The following LY86 variants were observed in gnomAD, a reference collection of about 807,000 sequenced individuals.
The protein encoded by LY86 is lymphocyte antigen 86.
LY86 carries 20 observed loss-of-function variants against 17.3 expected under a neutral mutation model. That is an observed-to-expected ratio of 1.15 (90% CI 0.81 to 1.68). LY86 has a LOEUF of 1.68. Ranked by LOEUF, LY86 falls within the 40% of genes most tolerant of loss-of-function variation. The pLI is 0.00. For synonymous variants in LY86, 74 were observed against 70.6 expected (o/e 1.05, Z -0.24); for missense variants, 200 against 191.9 (o/e 1.04, Z -0.25).
chr6:6,605,209 T>C (rs1289699972), intron 1 of LY86, among the ~76,000 whole-genome samples: 1 of 152,158 alleles, frequency 6.6e-6, no homozygotes, highest in South Asian at 2.1e-4. Flanking sequence ...TGTGTTAGAT[T>C]TCTATTTCTG....
intron 1 of LY86, chr6:6,591,479 T>A (rs563923533): frequency 3.2e-5 from 5 of 153,890 alleles, no homozygotes; most frequent in African/African-American, 7.2e-5. Flanking sequence ...GGTATCTGGA[T>A]CTGTTGGAAA....
chr6:6,597,970 C>G lies in LY86; in HGVS notation c.136+9100C>G, dbSNP rs577790676. Among the ~76,000 whole-genome samples, 4 of 152,366 alleles carry G rather than the reference C, an allele frequency of 2.6e-5. No individual in the cohort carries two copies. In the East Asian group the frequency reaches 7.7e-4, roughly 29 times the overall value. ...AGTGATAAATCTAGAACAGAATTAT[C>G]AGGATTCCTTTTGCTTCCTAACCAT... On this transcript the variant is annotated intron_variant, in intron 1 of 4. Coordinates refer to ENST00000230568, the MANE Select transcript of LY86 (RefSeq NM_004271.4).
chr6:6,605,257 T>C (rs1344562823), intron 1 of LY86, among the ~76,000 whole-genome samples: 3 of 149,414 alleles, frequency 2.0e-5, no homozygotes, highest in East Asian at 2.0e-4. Context: ...TTAAAAACAA[T>C]AAGCATTATC....
intron 1 of LY86, among the ~76,000 whole-genome samples, chr6:6,612,024 T>C (rs2326809): frequency 0.56 from 80,234 of 144,468 alleles, 21,655 homozygotes; most frequent in East Asian, 0.79. Flanking sequence ...ATCTTTGTGG[T>C]CTCTTGTATT....
At chr6:6,593,518 G>A (rs1321594481) in intron 1 of LY86, among the ~76,000 whole-genome samples, 2 of 152,226 alleles carry the variant, frequency 1.3e-5, no homozygotes, top group Admixed American at 6.5e-5. Flanking sequence ...TACGCAAAGG[G>A]CTGTGTGAAG....
chr6:6,642,867 C>T (rs1211217125), intron 3 of LY86, among the ~76,000 whole-genome samples: 1 of 152,224 alleles, frequency 6.6e-6, no homozygotes, highest in Non-Finnish European at 1.5e-5. Flanking sequence ...CTCCCTCCCT[C>T]CTCCTCCTCC....
At chr6:6,624,811 T>A in intron 1 of LY86, 115 bp from the exon 2 acceptor site, 1 of 614,356 alleles carries the variant, frequency 1.6e-6, no homozygotes. Flanking sequence ...TGTTGGGCAA[T>A]ATGCTTTTGA....
In LY86 at chr6:6,603,605, GA is replaced by G. The variant is rs1180805376; in HGVS notation, c.136+14744del. On this transcript the variant is annotated intron_variant, in intron 1 of 4. Transcript: ENST00000230568. The stretch of plus-strand genomic sequence containing the variant: ...AAAGCCAAAAACAAAAACAGAAACA[GA>G]AAAAAAAACAAACAAAAAAAAACAA... Among the ~76,000 whole-genome samples the G allele has an allele frequency of 3.3e-3, 342 of 104,986 alleles. 21 individuals carry two copies. Among genetic ancestry groups the G allele is most frequent in the African/African-American group, 8.1e-3 (221 of 27,218 alleles). 68.9% of individuals were successfully genotyped at this position (104,986 alleles called of 152,430 possible). A position where few individuals can be genotyped will look rare whatever the true frequency, so the allele number is the denominator to read the frequency against.
intron 2 of LY86, among the ~76,000 whole-genome samples, chr6:6,625,551 T>C (rs1208831613): frequency 6.6e-6 from 1 of 152,176 alleles, no homozygotes; most frequent in African/African-American, 2.4e-5. Context: ...TTATAGTTGG[T>C]CAATATATTT....
At chr6:6,641,840 G>A (rs1762045286) in intron 3 of LY86, among the ~76,000 whole-genome samples, 1 of 152,244 alleles carries the variant, frequency 6.6e-6, no homozygotes. Context: ...TGGGGTGCCA[G>A]GAAGCCAGGG....
At chr6:6,601,266 C>T (rs967541513) in intron 1 of LY86, among the ~76,000 whole-genome samples, 1 of 152,070 alleles carries the variant, frequency 6.6e-6, no homozygotes, top group African/African-American at 2.4e-5. Flanking sequence ...GAACAGGCAA[C>T]GGAGAGAGAA....
At chr6:6,622,269 C>T (rs191207916) in intron 1 of LY86, among the ~76,000 whole-genome samples, 1 of 152,252 alleles carries the variant, frequency 6.6e-6, no homozygotes, top group Admixed American at 6.5e-5. Context: ...TCTATCTATA[C>T]CTTTAAAATA....
intron 1 of LY86, among the ~76,000 whole-genome samples, chr6:6,590,838 C>G (rs541176477): frequency 5.1e-4 from 78 of 152,304 alleles, no homozygotes; most frequent in African/African-American, 1.9e-3. Flanking sequence ...ACCCAAAGAG[C>G]TGCCCAGAGA....
intron 1 of LY86, among the ~76,000 whole-genome samples, chr6:6,614,015 T>TA (rs1761481798): frequency 6.6e-6 from 1 of 152,240 alleles, no homozygotes; most frequent in Non-Finnish European, 1.5e-5. Context: ...ACCTTCTACT[T>TA]ACATTCCCTA....
intron 3 of LY86, among the ~76,000 whole-genome samples, chr6:6,634,957 A>G (rs1166623191): frequency 1.3e-5 from 2 of 152,170 alleles, no homozygotes; most frequent in Non-Finnish European, 2.9e-5. Context: ...GGGCTAAACC[A>G]CCTTCCCAGC....
intron 1 of LY86, among the ~76,000 whole-genome samples, chr6:6,613,256 C>CT (rs1395609885): frequency 6.6e-6 from 1 of 152,262 alleles, no homozygotes; most frequent in African/African-American, 2.4e-5. Flanking sequence ...AGCTGCCTGC[C>CT]AATCCCGCGC....
At chr6:6,640,110 G>A (rs568502215) in intron 3 of LY86, among the ~76,000 whole-genome samples, 36 of 152,238 alleles carry the variant, frequency 2.4e-4, no homozygotes, top group Admixed American at 6.5e-4. Flanking sequence ...ACCACCACCT[G>A]CATGCCCTCT....
intron 1 of LY86, among the ~76,000 whole-genome samples, chr6:6,623,437 T>C (rs1178119306): frequency 6.6e-6 from 1 of 152,130 alleles, no homozygotes; most frequent in African/African-American, 2.4e-5. Flanking sequence ...CCATCACCAG[T>C]GACACTCCCA....
intron 3 of LY86, among the ~76,000 whole-genome samples, chr6:6,637,004 G>GTTTTTT (rs34996349): frequency 1.8e-5 from 2 of 109,860 alleles, no homozygotes; most frequent in Admixed American, 1.1e-4. Context: ...AAGCATATTG[G>GTTTTTT]TTTTTTTTTT....
Sources: gnomAD v4.1 joint callset for allele counts (sites outside exome capture counted in the v4.1 genomes callset) on GRCh38, gnomAD v4.1.1 for gene constraint, MANE v1.5 for transcripts, NCBI Gene and HGNC (gene_info 2026-07-23, HGNC 2026-07-21) for gene names.